The following CRACDL variants were observed in gnomAD, a reference collection of about 807,000 sequenced individuals.
CRACDL encodes the protein CRACD-like protein.
CRACDL carries 26 observed loss-of-function variants against 70.6 expected under a neutral mutation model. The ratio of observed to expected loss-of-function variants is 0.37; its 90% CI spans 0.27 to 0.51. CRACDL has a LOEUF of 0.51. CRACDL is among the 20% of genes least tolerant of loss of function. The probability of loss-of-function intolerance (pLI) is 0.94; values close to 1 mark genes in which losing one functional copy is unlikely to be tolerated. For missense variants in CRACDL, 1,283 were observed against 1,376.9 expected, an observed-to-expected ratio of 0.93 and a Z score of 1.08; for synonymous variants, 618 against 615.2, an observed-to-expected ratio of 1.00 and a Z score of -0.07.
At position 98,861,634 on chromosome 2, in the gene CRACDL, T is replaced by C. The variant is rs187198780; in HGVS notation, c.-10-14824A>G. Reference sequence around the variant, plus strand: ...ATGAAAGATTCTGAGAAAACGTTAGTATAGAAAGCACCAGGAATCTGTTTC... The same window carrying C: ...ATGAAAGATTCTGAGAAAACGTTAGCATAGAAAGCACCAGGAATCTGTTTC... On this transcript the variant is annotated intron_variant, in intron 1 of 9. Coordinates refer to ENST00000397899, the MANE Select transcript of CRACDL (RefSeq NM_207362.3). Among the ~76,000 whole-genome samples the C allele has an allele frequency of 5.3e-5, 8 of 152,240 alleles. No individual in the cohort carries two copies. In the East Asian group the frequency reaches 1.5e-3, roughly 29 times the overall value.
At chr2:98,887,289 A>G (rs527983196) in intron 1 of CRACDL, among the ~76,000 whole-genome samples, 3 of 152,276 alleles carry the variant, frequency 2.0e-5, no homozygotes, top group South Asian at 2.1e-4. Context: ...GTTCAAGACC[A>G]GCTTGGGCAA....
intron 1 of CRACDL, among the ~76,000 whole-genome samples, chr2:98,931,688 A>G (rs1047609577): frequency 2.6e-5 from 4 of 152,358 alleles, no homozygotes; most frequent in African/African-American, 9.6e-5. Context: ...ACGAACTTCC[A>G]TAATTTCCTT....
intron 1 of CRACDL, among the ~76,000 whole-genome samples, chr2:98,900,784 G>T (rs762415673): frequency 6.6e-6 from 1 of 152,132 alleles, no homozygotes; most frequent in Non-Finnish European, 1.5e-5. Context: ...TGAAAATGAC[G>T]CAAGGGCCCA....
At chr2:98,889,171 G>A (rs1340326766) in intron 1 of CRACDL, among the ~76,000 whole-genome samples, 15 of 144,890 alleles carry the variant, frequency 1.0e-4, no homozygotes, top group Non-Finnish European at 1.8e-4. Context: ...AGGAAGGAAG[G>A]GGAAGGAAAG....
At chr2:98,876,412 G>A (rs113977869) in intron 1 of CRACDL, among the ~76,000 whole-genome samples, 11 of 152,298 alleles carry the variant, frequency 7.2e-5, no homozygotes, top group African/African-American at 2.4e-4. Context: ...CACGGCAGGA[G>A]GTAAGTAGCG....
At chr2:98,871,512 G>A (rs906270498) in intron 1 of CRACDL, among the ~76,000 whole-genome samples, 1 of 152,188 alleles carries the variant, frequency 6.6e-6, no homozygotes, top group African/African-American at 2.4e-5. Context: ...CTGTGCCTCC[G>A]CAAGTGTGAG....
At chr2:98,899,814 G>A (rs1219119626) in intron 1 of CRACDL, among the ~76,000 whole-genome samples, 4 of 138,354 alleles carry the variant, frequency 2.9e-5, no homozygotes, top group African/African-American at 5.4e-5. Flanking sequence ...GAGGCTCAGT[G>A]GGAGGGGAGG....
chr2:98,861,782 AATTTCTGCCC>A (rs1423196882), intron 1 of CRACDL, among the ~76,000 whole-genome samples: 1 of 152,150 alleles, frequency 6.6e-6, no homozygotes, highest in African/African-American at 2.4e-5. Context: ...CATTGTGGTT[AATTTCTGCCC>A]ATTTCTGCTC....
chr2:98,836,048 A>G (rs1335709779), intron 3 of CRACDL, among the ~76,000 whole-genome samples: 1 of 152,228 alleles, frequency 6.6e-6, no homozygotes, highest in Non-Finnish European at 1.5e-5. Context: ...AGTCACACCA[A>G]GAGAAAGCAA....
At chr2:98,923,114 C>CA (rs1403483351) in intron 1 of CRACDL, among the ~76,000 whole-genome samples, 1 of 151,670 alleles carries the variant, frequency 6.6e-6, no homozygotes, top group Non-Finnish European at 1.5e-5. Context: ...TACTAAAATA[C>CA]AAAAAAATTA....
intron 5 of CRACDL, among the ~76,000 whole-genome samples, chr2:98,829,401 T>C (rs112276547): frequency 0.043 from 6,473 of 152,296 alleles, 248 homozygotes; most frequent in South Asian, 0.18. Flanking sequence ...CTGAGAGATC[T>C]TGGGGTCCAG....
At chr2:98,889,252 A>C (rs1707887719) in intron 1 of CRACDL, among the ~76,000 whole-genome samples, 1 of 151,476 alleles carries the variant, frequency 6.6e-6, no homozygotes, top group Non-Finnish European at 1.5e-5. Context: ...AAAGAGAGAA[A>C]GAGAAAAAGA....
intron 1 of CRACDL, among the ~76,000 whole-genome samples, chr2:98,888,918 A>G (rs1473609619): frequency 1.3e-5 from 2 of 152,182 alleles, no homozygotes; most frequent in African/African-American, 4.8e-5. Context: ...TCATGAGGTC[A>G]GGAGATTGAG....
intron 1 of CRACDL, among the ~76,000 whole-genome samples, chr2:98,899,877 GA>G (rs1473223122): frequency 1.4e-5 from 2 of 145,152 alleles, no homozygotes; most frequent in Admixed American, 6.8e-5. Context: ...GGCTCAGTGG[GA>G]GGGGAGGCAG....
intron 1 of CRACDL, chr2:98,869,078 C>G (rs1339983742): frequency 1.5e-6 from 2 of 1,304,006 alleles, no homozygotes; most frequent in South Asian, 1.2e-5. Context: ...GAGGGCCCAC[C>G]TGGGGTCAGG....
intron 1 of CRACDL, among the ~76,000 whole-genome samples, chr2:98,885,895 C>A (rs1707786566): frequency 6.7e-6 from 1 of 148,936 alleles, no homozygotes. Context: ...CTCTCTCCCC[C>A]ATGAAAATAA....
At chr2:98,933,334 C>T (rs963168587) in intron 1 of CRACDL, among the ~76,000 whole-genome samples, 1 of 152,136 alleles carries the variant, frequency 6.6e-6, no homozygotes, top group South Asian at 2.1e-4. Context: ...TGACTTGTAG[C>T]GAAAAGGGGT....
At chr2:98,852,280 G>A (rs1475136427) in intron 1 of CRACDL, among the ~76,000 whole-genome samples, 1 of 152,190 alleles carries the variant, frequency 6.6e-6, no homozygotes. Context: ...ACAGCTGGGA[G>A]GCTGAGGGAA....
At chr2:98,864,543 G>C (rs1009565797) in intron 1 of CRACDL, among the ~76,000 whole-genome samples, 2 of 150,232 alleles carry the variant, frequency 1.3e-5, no homozygotes, top group East Asian at 3.9e-4. Context: ...CCCATTGATT[G>C]TACCCTTTTT....
Sources: gnomAD v4.1 joint callset for allele counts (sites outside exome capture counted in the v4.1 genomes callset) on GRCh38, gnomAD v4.1.1 for gene constraint, MANE v1.5 for transcripts, NCBI Gene and HGNC (gene_info 2026-07-23, HGNC 2026-07-21) for gene names.